The following GLIS3 variants were observed in gnomAD, a reference collection of about 807,000 sequenced individuals.
GLIS3 encodes the protein zinc finger protein GLIS3.
Under a neutral mutation model 78.6 loss-of-function variants are expected in GLIS3, and 53 were observed. That is an observed-to-expected ratio of 0.67 (90% confidence interval 0.54 to 0.85). The LOEUF (loss-of-function observed/expected upper bound fraction) is 0.85. Among genes scored for constraint, GLIS3 ranks in the 40% least tolerant of loss-of-function variants. The pLI, the probability that GLIS3 is intolerant of heterozygous loss-of-function variation, is 0.00. For synonymous variants in GLIS3, 684 were observed against 509.9 expected (o/e 1.34, Z -4.60); for missense variants, 1,703 against 1,231.1 (o/e 1.38, Z -5.74).
At chr9:4,154,629 G>T (rs1205338694) in intron 2 of GLIS3, among the ~76,000 whole-genome samples, 1 of 151,846 alleles carries the variant, frequency 6.6e-6, no homozygotes, top group African/African-American at 2.4e-5. Context: ...TCATGTAGGG[G>T]GAAAAACAAA....
rs536221335 is a variant in GLIS3, at chr9:3,957,519, T to C, written c.1711-20330A>G. ...GCAGACTTGTCAACCAAGGGACTTA[T>C]CAAGCAGCCCTAAGGATATACCACC... is the stretch of plus-strand genomic sequence containing the variant. On this transcript the variant is annotated intron_variant, in intron 4 of 10. Transcript: ENST00000381971. Among the ~76,000 whole-genome samples, 25 of 152,302 alleles carry C rather than the reference T, an allele frequency of 1.6e-4. No individual in the cohort carries two copies. The South Asian group carries it at 5.0e-3, about 30-fold the overall frequency.
At chr9:4,123,868 T>A (rs574034) in intron 3 of GLIS3, 302,018 of 397,792 alleles carry the variant, frequency 0.76, 115,316 homozygotes, top group African/African-American at 0.87. Context: ...GAATTACATC[T>A]TCAGGAAAAA....
At chr9:4,049,722 A>G (rs7033399) in intron 4 of GLIS3, among the ~76,000 whole-genome samples, 48,687 of 152,040 alleles carry the variant, frequency 0.32, 10,842 homozygotes, top group African/African-American at 0.64. Context: ...AATATCCAGA[A>G]TCTACAAAGA....
chr9:4,380,816 C>G, the GLIS3 span, among the ~76,000 whole-genome samples: 1 of 152,258 alleles, frequency 6.6e-6, no homozygotes, highest in Non-Finnish European at 1.5e-5. Context: ...ATGGGAGATG[C>G]AAGACCCTCC....
the GLIS3 span, among the ~76,000 whole-genome samples, chr9:4,423,332 G>C: frequency 1.3e-5 from 2 of 152,132 alleles, no homozygotes; most frequent in Non-Finnish European, 2.9e-5. Context: ...ATTTCCCTCT[G>C]AGTTGCATCT....
the GLIS3 span, among the ~76,000 whole-genome samples, chr9:4,374,653 C>G: frequency 6.6e-6 from 1 of 152,196 alleles, no homozygotes; most frequent in Non-Finnish European, 1.5e-5. Context: ...GTCTTCTCCA[C>G]CAGGAGGAAG....
At chr9:4,451,241 A>G in the GLIS3 span, among the ~76,000 whole-genome samples, 3 of 152,222 alleles carry the variant, frequency 2.0e-5, no homozygotes, top group East Asian at 1.9e-4. Context: ...AAAGATCAAA[A>G]GAGACAAAGA....
At chr9:3,893,192 C>G (rs775171502) in intron 7 of GLIS3, among the ~76,000 whole-genome samples, 2 of 152,180 alleles carry the variant, frequency 1.3e-5, no homozygotes, top group South Asian at 2.1e-4. Context: ...CGCTACTTGC[C>G]TCTCCTCCTC....
At chr9:4,275,428 G>T (rs897834807) in intron 2 of GLIS3, among the ~76,000 whole-genome samples, 1 of 152,116 alleles carries the variant, frequency 6.6e-6, no homozygotes, top group Non-Finnish European at 1.5e-5. Context: ...ATCTAAGACC[G>T]TGGGGTCCTA....
At chr9:4,287,968 G>C (rs903449752) in intron 1 of GLIS3, among the ~76,000 whole-genome samples, 2 of 152,158 alleles carry the variant, frequency 1.3e-5, no homozygotes, top group Admixed American at 6.5e-5. Flanking sequence ...ATCAGTTTGT[G>C]ACATTTAATA....
At chr9:4,469,842 A>G in the GLIS3 span, among the ~76,000 whole-genome samples, 2 of 152,210 alleles carry the variant, frequency 1.3e-5, no homozygotes, top group Admixed American at 6.5e-5. Flanking sequence ...CAATGAATCT[A>G]GGAGCTGTTT....
chr9:4,242,224 C>G (rs1363912786), intron 2 of GLIS3, among the ~76,000 whole-genome samples: 1 of 152,006 alleles, frequency 6.6e-6, no homozygotes, highest in African/African-American at 2.4e-5. Flanking sequence ...TAAACGCTAC[C>G]ATTTATGGTT....
intron 2 of GLIS3, among the ~76,000 whole-genome samples, chr9:4,242,971 C>A (rs1048873464): frequency 6.6e-6 from 1 of 152,036 alleles, no homozygotes; most frequent in Non-Finnish European, 1.5e-5. Flanking sequence ...TCTTGATAAG[C>A]CATAAATACA....
At chr9:4,431,114 C>T in the GLIS3 span, among the ~76,000 whole-genome samples, 2 of 152,190 alleles carry the variant, frequency 1.3e-5, no homozygotes, top group East Asian at 3.9e-4. Context: ...TCAGTTAAAT[C>T]ACTAGCAACT....
At chr9:3,897,297 T>A (rs1051608143) in intron 7 of GLIS3, among the ~76,000 whole-genome samples, 5 of 152,154 alleles carry the variant, frequency 3.3e-5, no homozygotes, top group African/African-American at 1.2e-4. Flanking sequence ...GATCATAGAT[T>A]AATGAACTGA....
chr9:4,077,632 G>C (rs1165539266), intron 4 of GLIS3, among the ~76,000 whole-genome samples: 1 of 152,142 alleles, frequency 6.6e-6, no homozygotes. Flanking sequence ...TGAGACACTG[G>C]AAATCTACAA....
chr9:4,121,375 A>T (rs1174017061), intron 3 of GLIS3, among the ~76,000 whole-genome samples: 1 of 152,154 alleles, frequency 6.6e-6, no homozygotes, highest in East Asian at 1.9e-4. Context: ...AACAGAAGGG[A>T]TCATTTTTAT....
chr9:4,310,024 T>G (rs572676332), intron 3 of GLIS3, among the ~76,000 whole-genome samples: 6 of 152,358 alleles, frequency 3.9e-5, no homozygotes, highest in African/African-American at 1.4e-4. Context: ...TGATCTGAGT[T>G]GTTGAAAACT....
At chr9:3,982,078 T>A (rs116510550) in intron 4 of GLIS3, among the ~76,000 whole-genome samples, 3 of 152,212 alleles carry the variant, frequency 2.0e-5, no homozygotes, top group Non-Finnish European at 4.4e-5. Context: ...ACATTTTAAT[T>A]CCTTTGCTGT....
Sources: allele counts gnomAD v4.1 joint callset (sites outside exome capture counted in the v4.1 genomes callset), GRCh38; gene constraint gnomAD v4.1.1; transcripts MANE v1.5; gene names NCBI Gene and HGNC (gene_info 2026-07-23, HGNC 2026-07-21).